Variants in SOX6 observed in about 807,000 individuals in gnomAD.
The protein encoded by SOX6 is transcription factor SOX-6.
SOX6 carries 11 observed loss-of-function variants against 97.8 expected under a neutral mutation model. The observed-to-expected ratio is 0.11, with a 90% CI of 0.07 to 0.19. The LOEUF (loss-of-function observed/expected upper bound fraction) is 0.19, where lower values mean the gene tolerates loss of function less well. Among genes scored for constraint, SOX6 ranks in the 10% least tolerant of loss-of-function variants. The probability of loss-of-function intolerance (pLI) is 1.00; values close to 1 mark genes in which losing one functional copy is unlikely to be tolerated. For synonymous variants in SOX6, 360 were observed against 371.4 expected (o/e 0.97, Z 0.35); for missense variants, 810 against 1,039.5 (o/e 0.78, Z 3.04).
intron 6 of SOX6, among the ~76,000 whole-genome samples, chr11:16,141,403 T>C (rs1244223970): frequency 6.6e-6 from 1 of 151,998 alleles, no homozygotes; most frequent in African/African-American, 2.4e-5. Context: ...GATGGCCAAA[T>C]AGGAACAGCT....
intron 9 of SOX6, among the ~76,000 whole-genome samples, chr11:16,077,111 C>T (rs749557682): frequency 6.6e-6 from 1 of 152,154 alleles, no homozygotes; most frequent in African/African-American, 2.4e-5. Context: ...ATTATGAGAA[C>T]AGCAAGAGGG....
chr11:16,466,443 C>T (rs1206979223), intron 1 of SOX6, among the ~76,000 whole-genome samples: 1 of 152,006 alleles, frequency 6.6e-6, no homozygotes, highest in East Asian at 1.9e-4. Flanking sequence ...TCTTATAGAT[C>T]ACTGTTATAA....
chr11:16,224,082 A>G (rs1019223780), intron 4 of SOX6, among the ~76,000 whole-genome samples: 5 of 152,042 alleles, frequency 3.3e-5, no homozygotes, highest in Admixed American at 2.6e-4. Context: ...TTAAAAACAA[A>G]ATCAATAGAA....
rs576183000 is a variant in SOX6 at position 16,500,082 on chromosome 11, T to A, written n.610-23694A>T. On this transcript the variant is annotated intron_variant and non_coding_transcript_variant, in intron 4 of 5. Coordinates refer to the SOX6 transcript ENST00000524520. ...CTGAATAAAATACTGGAAAACCAAA[T>A]CCAGCAGCACATCAAAAAGCTTATC... 1.8e-3 allele frequency among the ~76,000 whole-genome samples: 270 copies of A among 152,164 alleles called. 6 individuals carry two copies. The highest frequency in any genetic ancestry group is 2.2e-3 in the Non-Finnish European group (151 of 68,004).
intron 1 of SOX6, among the ~76,000 whole-genome samples, chr11:16,413,813 C>T (rs1001542718): frequency 1.9e-5 from 2 of 104,690 alleles, no homozygotes; most frequent in African/African-American, 3.7e-5. Flanking sequence ...AGCCACCGCG[C>T]CCGGCCGAGT....
intron 11 of SOX6, 35 bp downstream of exon 11, chr11:16,049,720 G>C (rs373449094): frequency 6.2e-7 from 1 of 1,611,012 alleles, no homozygotes; most frequent in East Asian, 2.2e-5. Flanking sequence ...TACCTAATTC[G>C]TAAGTCTCTT....
At chr11:16,390,254 C>A (rs1192328067) in intron 1 of SOX6, among the ~76,000 whole-genome samples, 15 of 152,108 alleles carry the variant, frequency 9.9e-5, no homozygotes, top group African/African-American at 3.6e-4. Context: ...TTCTCCAGGT[C>A]AGAAAAAAAT....
chr11:16,398,812 G>T (rs1424859853), intron 1 of SOX6, among the ~76,000 whole-genome samples: 1 of 37,902 alleles, frequency 2.6e-5, no homozygotes, highest in African/African-American at 8.8e-5. Flanking sequence ...AAAGATAAAG[G>T]CTATGGAAAA....
chr11:16,291,229 T>TTATATATATATATATA (rs10529279), intron 3 of SOX6, among the ~76,000 whole-genome samples: 1 of 143,592 alleles, frequency 7.0e-6, no homozygotes, highest in African/African-American at 2.7e-5. Context: ...TTCTATAAAT[T>TTATATATATATATATA]TATATATATA....
At chr11:16,146,638 ACTC>A (rs1438781545) in intron 6 of SOX6, among the ~76,000 whole-genome samples, 1 of 152,186 alleles carries the variant, frequency 6.6e-6, no homozygotes, top group Non-Finnish European at 1.5e-5. Context: ...TCTACAAAGA[ACTC>A]AAACAAATTT....
intron 4 of SOX6, among the ~76,000 whole-genome samples, chr11:16,507,432 A>G (rs1375877548): frequency 6.6e-6 from 1 of 152,212 alleles, no homozygotes; most frequent in Non-Finnish European, 1.5e-5. Context: ...ATTTTTATGA[A>G]ACTAAAAAAA....
rs1188005782 is a variant in SOX6 at position 15,969,361 on chromosome 11, GA to G, written c.*3447del. On this transcript the variant is annotated 3_prime_UTR_variant, in exon 16 of 16. Transcript: ENST00000683767. Reference sequence around the variant, plus strand: ...ATTAAATGGTCACAGAACTATCTTAGAAGATTTATGTAGACTCCCAAAGCAA... The same window carrying G: ...ATTAAATGGTCACAGAACTATCTTAGAGATTTATGTAGACTCCCAAAGCAA... 1 of 152,088 alleles carries G rather than the reference GA, an allele frequency of 6.6e-6. No individual in the cohort carries two copies. The highest frequency in any genetic ancestry group is 1.5e-5 in the Non-Finnish European group (1 of 68,014). 9.4% of individuals were successfully genotyped at this position (152,088 alleles called of 1,614,324 possible).
At chr11:16,092,256 G>T (rs1393563505) in intron 9 of SOX6, among the ~76,000 whole-genome samples, 3 of 151,800 alleles carry the variant, frequency 2.0e-5, no homozygotes, top group Non-Finnish European at 4.4e-5. Context: ...AGTGTTTTGG[G>T]GGGGACAGGT....
chr11:15,974,309 C>T (rs1443798387), intron 15 of SOX6, among the ~76,000 whole-genome samples: 1 of 148,024 alleles, frequency 6.8e-6, no homozygotes, highest in Non-Finnish European at 1.5e-5. Flanking sequence ...CAGGAAAATA[C>T]TCTGAATCTA....
Position 16,607,218 on chromosome 11 carries a change from G to A in SOX6, n.609+4863C>T, listed in dbSNP as rs1380748572. ...AGGGCAGGAGCGGAAGACGCCGGGG[G>A]ACGGCGGCCCGGCCCTGGGCTCCTG... is the stretch of plus-strand genomic sequence containing the variant. On this transcript the variant is annotated intron_variant and non_coding_transcript_variant, in intron 4 of 5. Coordinates refer to the SOX6 transcript ENST00000524520. This position sits in a 1 kb window ranked among gnomAD's most constrained non-coding sequence, Gnocchi z 6.5. 2 of 152,754 alleles carry A rather than the reference G, an allele frequency of 1.3e-5. No individual in the cohort carries two copies. The highest frequency in any genetic ancestry group is 2.1e-4 in the South Asian group (1 of 4,844). The allele number at this position is 152,754 out of a possible 1,614,324, so 9.5% of individuals were successfully genotyped here.
At chr11:16,132,361 AG>A (rs1849790684) in intron 6 of SOX6, among the ~76,000 whole-genome samples, 1 of 85,828 alleles carries the variant, frequency 1.2e-5, no homozygotes, top group South Asian at 3.9e-4. Flanking sequence ...AAAGAAAGAA[AG>A]AAAGAAAGAA....
chr11:16,084,556 T>A (rs1440925693), intron 9 of SOX6, among the ~76,000 whole-genome samples: 1 of 152,042 alleles, frequency 6.6e-6, no homozygotes, highest in African/African-American at 2.4e-5. Flanking sequence ...GGTGTCATTA[T>A]CCCCAGTTCA....
At chr11:16,593,928 A>G (rs1283218189) in intron 4 of SOX6, among the ~76,000 whole-genome samples, 2 of 152,222 alleles carry the variant, frequency 1.3e-5, no homozygotes, top group Non-Finnish European at 2.9e-5. Context: ...GAAAAAATTC[A>G]TGTACAATAT....
intron 6 of SOX6, among the ~76,000 whole-genome samples, chr11:16,125,407 A>G (rs543271012): frequency 6.6e-6 from 1 of 152,238 alleles, no homozygotes; most frequent in East Asian, 1.9e-4. Flanking sequence ...ATGGAAAAAA[A>G]TAAACTGTTC....
Sources: gnomAD v4.1 joint callset for allele counts (sites outside exome capture counted in the v4.1 genomes callset) on GRCh38, gnomAD v4.1.1 for gene constraint, Gnocchi (gnomAD v3.1) non-coding constraint, MANE v1.5 for transcripts, NCBI Gene and HGNC (gene_info 2026-07-23, HGNC 2026-07-21) for gene names.